The following MALRD1 variants were observed in gnomAD, a reference collection of about 807,000 sequenced individuals.
MALRD1 encodes MAM and LDL-receptor class A domain-containing protein 1.
A neutral mutation model predicts 242.1 loss-of-function variants in MALRD1; 247 were observed. The observed-to-expected ratio is 1.02, with a 90% confidence interval of 0.92 to 1.13. The LOEUF (loss-of-function observed/expected upper bound fraction) is 1.13, where lower values mean the gene tolerates loss of function less well. Ranked by LOEUF, MALRD1 falls within the 50% of genes most tolerant of loss-of-function variation. The pLI is 0.00. For synonymous variants in MALRD1, 995 were observed against 866.6 expected, an observed-to-expected ratio of 1.15 and a Z score of -2.60; for missense variants, 2,989 against 2,533.1, an observed-to-expected ratio of 1.18 and a Z score of -3.86.
chr10:19,402,043 C>T (rs958161055), intron 28 of MALRD1, among the ~76,000 whole-genome samples: 1 of 152,188 alleles, frequency 6.6e-6, no homozygotes, highest in African/African-American at 2.4e-5. Flanking sequence ...ATCTAAAATT[C>T]TGCTCCCTCA....
At chr10:19,275,977 A>G (rs1269712690) in intron 19 of MALRD1, among the ~76,000 whole-genome samples, 1 of 152,214 alleles carries the variant, frequency 6.6e-6, no homozygotes, top group African/African-American at 2.4e-5. Context: ...AGCTTGGAAC[A>G]CAAATTTACC....
intron 21 of MALRD1, among the ~76,000 whole-genome samples, chr10:19,296,855 A>G (rs1369672032): frequency 6.6e-6 from 1 of 151,572 alleles, no homozygotes; most frequent in Non-Finnish European, 1.5e-5. Context: ...GTCTTTTATG[A>G]GCACATGATG....
At chr10:19,247,954 T>C (rs1839136513) in intron 18 of MALRD1, among the ~76,000 whole-genome samples, 1 of 152,012 alleles carries the variant, frequency 6.6e-6, no homozygotes, top group Non-Finnish European at 1.5e-5. Context: ...GCAGGCAGTA[T>C]TTGTAGACAG....
intron 24 of MALRD1, among the ~76,000 whole-genome samples, chr10:19,346,886 G>A (rs772124625): frequency 1.3e-5 from 2 of 152,104 alleles, no homozygotes; most frequent in Non-Finnish European, 2.9e-5. Flanking sequence ...CTGACCTTAC[G>A]TGATCCACCT....
At chr10:19,504,663 C>CTTTTTTTTTTTTTTTTTTTTTTTT (rs1564397363) in intron 31 of MALRD1, among the ~76,000 whole-genome samples, 1 of 128,698 alleles carries the variant, frequency 7.8e-6, no homozygotes. Flanking sequence ...TATTGTAACA[C>CTTTTTTTTTTTTTTTTTTTTTTTT]ATTTTTTTTT....
intron 38 of MALRD1, among the ~76,000 whole-genome samples, chr10:19,693,999 G>T (rs559518934): frequency 7.2e-5 from 11 of 152,208 alleles, no homozygotes; most frequent in African/African-American, 2.4e-4. Context: ...TTAATAAATG[G>T]TGCTGGGAAA....
intron 26 of MALRD1, among the ~76,000 whole-genome samples, chr10:19,385,604 A>T (rs1435477411): frequency 1.3e-5 from 2 of 151,930 alleles, no homozygotes; most frequent in Admixed American, 1.3e-4. Flanking sequence ...TTTAATTTCT[A>T]AGTTTATTTA....
intron 36 of MALRD1, among the ~76,000 whole-genome samples, chr10:19,620,002 G>T (rs1041256787): frequency 7.2e-6 from 1 of 138,222 alleles, no homozygotes; most frequent in African/African-American, 3.3e-5. Context: ...GTAAGTTCCT[G>T]TCTCAATAAT....
At chr10:19,351,864 A>T in intron 25 of MALRD1, 142 bp from the exon 26 acceptor site, 1 of 776,364 alleles carries the variant, frequency 1.3e-6, no homozygotes, top group Non-Finnish European at 2.0e-6. Context: ...GTTAAAGTGC[A>T]GACAGAGCAA....
intron 18 of MALRD1, among the ~76,000 whole-genome samples, chr10:19,231,531 CA>C (rs1196137518): frequency 6.6e-6 from 1 of 152,122 alleles, no homozygotes; most frequent in African/African-American, 2.4e-5. Context: ...ATAATTGAAT[CA>C]TAGGGGCGGT....
chr10:19,284,093 T>C (rs1840968635), intron 21 of MALRD1, among the ~76,000 whole-genome samples: 1 of 152,170 alleles, frequency 6.6e-6, no homozygotes, highest in South Asian at 2.1e-4. Flanking sequence ...AAGACCAGCA[T>C]GGCTGGGGTG....
At chr10:19,245,159 T>C (rs1347405975) in intron 18 of MALRD1, among the ~76,000 whole-genome samples, 2 of 152,186 alleles carry the variant, frequency 1.3e-5, no homozygotes, top group African/African-American at 4.8e-5. Flanking sequence ...ATTGAAGAAG[T>C]CCTAGATTCC....
intron 14 of MALRD1, among the ~76,000 whole-genome samples, chr10:19,180,566 A>C (rs1015989765): frequency 6.6e-6 from 1 of 152,236 alleles, no homozygotes; most frequent in Admixed American, 6.5e-5. Flanking sequence ...CACTTAAATA[A>C]ATTCAAAATG....
intron 29 of MALRD1, among the ~76,000 whole-genome samples, chr10:19,476,368 A>G (rs74118962): frequency 0.049 from 7,428 of 152,084 alleles, 600 homozygotes; most frequent in African/African-American, 0.17. Flanking sequence ...ACCCAGAATA[A>G]TGAGTATTTG....
In MALRD1 at chr10:19,633,387, C is replaced by T. The variant is rs570058997; in HGVS notation, c.6137+17464C>T. ...GATATGTTTCTTACAGTAGTAAAAG[C>T]TCGTAGGAACGTTTGTCAAGCACAT... On this transcript the variant is annotated intron_variant, in intron 36 of 39. Transcript: ENST00000454679. 3.3e-5 allele frequency among the ~76,000 whole-genome samples: 5 copies of T among 152,298 alleles called. No individual in the cohort carries two copies. In the East Asian group the frequency reaches 9.6e-4, roughly 29 times the overall value.
intron 1 of MALRD1, among the ~76,000 whole-genome samples, chr10:19,063,581 C>G (rs1040161197): frequency 6.6e-6 from 1 of 151,984 alleles, no homozygotes; most frequent in Non-Finnish European, 1.5e-5. Flanking sequence ...ATGATGATTT[C>G]CAATTTCATC....
At position 19,384,332 on chromosome 10, in the gene MALRD1, A is replaced by T. The variant is rs1205390154; in HGVS notation, c.4442-3196A>T. ...TATATAAATATATATTATAGTATATATAATATAATTACTATATAATATATA... is the reference window on the plus strand; with the variant it reads ...TATATAAATATATATTATAGTATATTTAATATAATTACTATATAATATATA... On this transcript the variant is annotated intron_variant, in intron 26 of 39. Transcript: ENST00000454679. Among the ~76,000 whole-genome samples the T allele has an allele frequency of 1.0e-4, 13 of 128,496 alleles. No individual in the cohort carries two copies. The South Asian group carries it at 1.1e-3, about 11-fold the overall frequency. The allele number at this position is 128,496 out of a possible 152,430, so 84.3% of individuals were successfully genotyped here.
At position 19,692,653 on chromosome 10, in the gene MALRD1, G is replaced by A. The variant is rs541324017; in HGVS notation, c.6314+99G>A. 4.0e-5 allele frequency: 36 copies of A among 890,678 alleles called. No individual in the cohort carries two copies. In the African/African-American group the frequency reaches 5.6e-4, roughly 14 times the overall value. 55.2% of individuals were successfully genotyped at this position (890,678 alleles called of 1,614,324 possible). On this transcript the variant is annotated intron_variant, in intron 38 of 39. Transcript: ENST00000454679. Reference sequence around the variant, plus strand: ...TTTTTTCTTTCACTCCATATTACATGCAGGAAACTTTAGTGTTTTGCTGCT... The same window carrying A: ...TTTTTTCTTTCACTCCATATTACATACAGGAAACTTTAGTGTTTTGCTGCT...
chr10:19,650,436 C>T (rs907298966), intron 36 of MALRD1, among the ~76,000 whole-genome samples: 4 of 152,116 alleles, frequency 2.6e-5, no homozygotes, highest in Admixed American at 1.3e-4. Flanking sequence ...ACAAAGGCAT[C>T]AAGAATAGCA....
Sources: allele counts gnomAD v4.1 joint callset (sites outside exome capture counted in the v4.1 genomes callset), GRCh38; gene constraint gnomAD v4.1.1; transcripts MANE v1.5; gene names NCBI Gene and HGNC (gene_info 2026-07-23, HGNC 2026-07-21).